MARCHF7: variants seen among roughly 807,000 people sequenced by gnomAD.
The protein encoded by MARCHF7 is membrane associated ring-CH-type finger 7, also known as E3 ubiquitin-protein ligase MARCHF7.
Under a neutral mutation model 76.5 loss-of-function variants are expected in MARCHF7, and 20 were observed. The ratio of observed to expected loss-of-function variants is 0.26; its 90% CI spans 0.18 to 0.38. MARCHF7 has a LOEUF of 0.38. Ranked by LOEUF, MARCHF7 falls within the 10% of genes least tolerant of loss-of-function variation. The pLI is 1.00. For synonymous variants in MARCHF7, 295 were observed against 293.0 expected, an observed-to-expected ratio of 1.01 and a Z score of -0.07; for missense variants, 797 against 812.9, an observed-to-expected ratio of 0.98 and a Z score of 0.24.
At position 159,748,827 on chromosome 2, in the gene MARCHF7, T is replaced by C; in HGVS notation, c.1537T>C (p.Ser513Pro). The change falls in exon 7 of 12, where the codon TCA (serine) becomes CCA (proline). Residue 513 changes from serine (S) to proline (P), a missense_variant. Ser to Pro is a moderately conservative substitution (Grantham distance 74). Transcript: ENST00000409175. ...AGATATTATTCCTTCAGGTTGGAAT[T>C]CAGCTGATGGTAAAAGTGATAAAAC... ...TVDIIPSGWNSADGKSDKTKS... is the reference protein window; with the variant it reads ...TVDIIPSGWNPADGKSDKTKS... 1 of 1,614,102 alleles carries C rather than the reference T, an allele frequency of 6.2e-7. No homozygotes were observed.
intron 8 of MARCHF7, among the ~76,000 whole-genome samples, chr2:159,753,367 C>T (rs564675215): frequency 5.3e-5 from 8 of 151,748 alleles, no homozygotes; most frequent in Non-Finnish European, 7.4e-5. Flanking sequence ...GTCAGGAGAT[C>T]GAGACCATCC....
intron 4 of MARCHF7, chr2:159,733,599 A>C (rs1703086338): frequency 1.0e-6 from 1 of 984,462 alleles, no homozygotes; most frequent in Non-Finnish European, 1.2e-6. Flanking sequence ...CAACTCTTGG[A>C]GACATAAAAC....
intron 6 of MARCHF7, among the ~76,000 whole-genome samples, chr2:159,746,648 G>A (rs1009048934): frequency 7.9e-5 from 12 of 152,128 alleles, no homozygotes; most frequent in Non-Finnish European, 1.5e-4. Flanking sequence ...TGATCCAACC[G>A]CCTCAGCCTC....
chr2:159,748,606 A>G lies in MARCHF7; in HGVS notation c.1316A>G (p.Asp439Gly). 1.2e-6 allele frequency: 2 copies of G among 1,614,254 alleles called. No individual in the cohort carries two copies. The highest frequency in any genetic ancestry group is 1.7e-6 in the Non-Finnish European group (2 of 1,180,034). Residue 439 changes from aspartate (D) to glycine (G), a missense_variant, in exon 7 of 12, where the codon GAT becomes GGT. Asp to Gly is a moderately conservative substitution (Grantham distance 94). Coordinates refer to ENST00000409175, the MANE Select transcript of MARCHF7 (RefSeq NM_001282805.2). ...NEVVHLEAQN[D>G]PLGAAANRPQ... ...GTGGTTCACCTTGAAGCACAGAATG[A>G]TCCTCTTGGAGCTGCTGCCAACAGA...
intron 4 of MARCHF7, among the ~76,000 whole-genome samples, chr2:159,740,375 C>T (rs1446085799): frequency 1.3e-5 from 2 of 152,146 alleles, no homozygotes; most frequent in African/African-American, 4.8e-5. Context: ...ATTTAAAGTG[C>T]TCATTCTGAA....
intron 8 of MARCHF7, among the ~76,000 whole-genome samples, chr2:159,755,664 A>G (rs540959194): frequency 5.9e-5 from 9 of 152,340 alleles, no homozygotes; most frequent in African/African-American, 2.2e-4. Flanking sequence ...ATATTAGACC[A>G]CGAGTACCAG....
intron 4 of MARCHF7, among the ~76,000 whole-genome samples, chr2:159,739,136 C>G (rs989076005): frequency 5.3e-5 from 8 of 152,196 alleles, no homozygotes; most frequent in African/African-American, 1.9e-4. Context: ...CTTCTCAGGC[C>G]CCTGAGAGCA....
intron 3 of MARCHF7, among the ~76,000 whole-genome samples, chr2:159,720,559 T>G (rs1370403926): frequency 6.6e-6 from 1 of 152,242 alleles, no homozygotes; most frequent in East Asian, 1.9e-4. Context: ...CTACCCTATT[T>G]TTTTTCTCTC....
At chr2:159,766,484 T>C (rs775777982) in intron 11 of MARCHF7, among the ~76,000 whole-genome samples, 1 of 152,202 alleles carries the variant, frequency 6.6e-6, no homozygotes, top group African/African-American at 2.4e-5. Flanking sequence ...GGGGGAAAGA[T>C]GCTGGTTAGA....
rs746734068 is a variant in MARCHF7, at chr2:159,763,010, T to C, written c.2007+17T>C. 9 of 1,555,208 alleles carry C rather than the reference T, an allele frequency of 5.8e-6. No homozygotes were observed. Among genetic ancestry groups the C allele is most frequent in the Admixed American group, 3.4e-5 (2 of 58,396 alleles). The stretch of plus-strand genomic sequence containing the variant: ...CGTGTCCGAGTAAGTAATAATGAAG[T>C]TGGGGAGAGGGAGGGTATGATGCAG... On this transcript the variant is annotated intron_variant, in intron 10 of 11. Coordinates refer to ENST00000409175, the MANE Select transcript of MARCHF7 (RefSeq NM_001282805.2).
chr2:159,765,221 T>C lies in MARCHF7; in HGVS notation c.2056+547T>C, dbSNP rs1262951697. ...GTGGTAGTGGGTTTTTTTTTGGCTT[T>C]TTGTAGGTCCTCATGGACCTTTAAT... On this transcript the variant is annotated intron_variant, in intron 11 of 11. Coordinates refer to ENST00000409175, the MANE Select transcript of MARCHF7 (RefSeq NM_001282805.2). Among the ~76,000 whole-genome samples the C allele has an allele frequency of 2.6e-5, 4 of 151,958 alleles. 1 individual carries two copies. Among genetic ancestry groups the C allele is most frequent in the Non-Finnish European group, 5.9e-5 (4 of 67,988 alleles).
chr2:159,757,100 G>T (rs145793618), intron 8 of MARCHF7, among the ~76,000 whole-genome samples: 2 of 152,244 alleles, frequency 1.3e-5, no homozygotes, highest in African/African-American at 4.8e-5. Context: ...TTGTCAAGTT[G>T]GCCAGGCTGA....
Position 159,770,872 on chromosome 2 carries a change from C to A in MARCHF7, c.*3530C>A, listed in dbSNP as rs917623706. ...TGATAAGTGATACGTGACTAATTTA[C>A]GTGAAATTTATACATTCTTTATCTT... On this transcript the variant is annotated 3_prime_UTR_variant, in exon 12 of 12. Coordinates refer to ENST00000409175, the MANE Select transcript of MARCHF7 (RefSeq NM_001282805.2). 1 of 152,074 alleles carries A rather than the reference C, an allele frequency of 6.6e-6. No individual in the cohort carries two copies. Among genetic ancestry groups the A allele is most frequent in the Non-Finnish European group, 1.5e-5 (1 of 67,982 alleles). The allele number at this position is 152,074 out of a possible 1,614,324, so 9.4% of individuals were successfully genotyped here.
At position 159,759,273 on chromosome 2, in the gene MARCHF7, T is replaced by G; in HGVS notation, c.1831T>G (p.Leu611Val). Reference protein sequence around the residue: ...VTTCELCKEKLELNLEDFDIH... With the variant: ...VTTCELCKEKVELNLEDFDIH... ...CACCTGTGAACTATGTAAAGAGAAG[T>G]TGGAGCTTAACCTGGAGGATTTTGA... The change falls in exon 9 of 12, where the codon TTG becomes GTG. Residue 611 changes from leucine (L) to valine (V), a missense_variant. Leu to Val is a conservative substitution (Grantham distance 32, BLOSUM62 1). This residue lies in a region of MARCHF7 where 124 missense variants were observed against 121.3 expected (regional missense o/e 1.02). Transcript: ENST00000409175. 1 of 1,612,350 alleles carries G rather than the reference T, an allele frequency of 6.2e-7. No individual in the cohort carries two copies. Among genetic ancestry groups the G allele is most frequent in the Non-Finnish European group, 8.5e-7 (1 of 1,178,736 alleles).
chr2:159,754,732 T>G (rs1258253425), intron 8 of MARCHF7, among the ~76,000 whole-genome samples: 2 of 152,196 alleles, frequency 1.3e-5, no homozygotes, highest in African/African-American at 2.4e-5. Context: ...GGATATTTCC[T>G]CTTCAGAAGG....
intron 3 of MARCHF7, among the ~76,000 whole-genome samples, chr2:159,722,659 C>G (rs1165456395): frequency 6.6e-6 from 1 of 152,186 alleles, no homozygotes; most frequent in Non-Finnish European, 1.5e-5. Context: ...CTCTTAGAAC[C>G]TTCTAAGTGA....
chr2:159,737,944 G>A (rs1045102404), intron 4 of MARCHF7, among the ~76,000 whole-genome samples: 17 of 152,346 alleles, frequency 1.1e-4, no homozygotes, highest in African/African-American at 3.4e-4. Context: ...TGGTGCCTTT[G>A]CCCAGGTTTT....
intron 3 of MARCHF7, among the ~76,000 whole-genome samples, chr2:159,724,566 T>G (rs1017107225): frequency 3.9e-5 from 6 of 152,232 alleles, no homozygotes; most frequent in African/African-American, 1.4e-4. Context: ...TTACTCCCAG[T>G]CCTTATGTTG....
At chr2:159,729,337 A>G (rs1702512023) in intron 4 of MARCHF7, among the ~76,000 whole-genome samples, 162 bp downstream of exon 4, 1 of 152,144 alleles carries the variant, frequency 6.6e-6, no homozygotes, top group African/African-American at 2.4e-5. Context: ...AACTTTTTGG[A>G]CTTCAGAATT....
Sources: gnomAD v4.1 joint callset for allele counts (sites outside exome capture counted in the v4.1 genomes callset) on GRCh38, gnomAD v4.1.1 for gene constraint, gnomAD v4.1.1 regional missense constraint, MANE v1.5 for transcripts, NCBI Gene and HGNC (gene_info 2026-07-23, HGNC 2026-07-21) for gene names.